The following MCF2L2 variants were observed in gnomAD, a reference collection of about 807,000 sequenced individuals.
MCF2L2 encodes the protein probable guanine nucleotide exchange factor MCF2L2.
In MCF2L2, 102 loss-of-function variants were observed where a neutral mutation model predicts 150.2. The observed-to-expected ratio is 0.68, with a 90% CI of 0.58 to 0.80. MCF2L2 has a LOEUF of 0.80. Ranked by LOEUF, MCF2L2 falls within the 30% of genes least tolerant of loss-of-function variation. The pLI is 0.00. For missense variants in MCF2L2, 1,256 were observed against 1,372.8 expected, an observed-to-expected ratio of 0.91 and a Z score of 1.34; for synonymous variants, 465 against 491.3, an observed-to-expected ratio of 0.95 and a Z score of 0.71.
At position 183,207,627 on chromosome 3, in the gene MCF2L2, C is replaced by T. The variant is rs146962470; in HGVS notation, c.2693G>A (p.Ser898Asn). ...CTTTACCTTCATGGTCTTCTTGAAG[C>T]TGTAATGAGGAGATAATCCCTGGTC... ...PGDQGLSPHY[S>N]FKKTMKLMTL... Residue 898 changes from serine (S) to asparagine (N), a missense_variant, in exon 23 of 30, where the codon AGC (serine) becomes AAC (asparagine). Ser to Asn is a conservative substitution (Grantham distance 46, BLOSUM62 1). Transcript: ENST00000328913. 320 of 1,613,908 alleles carry T rather than the reference C, an allele frequency of 2.0e-4. 1 individual carries two copies. The African/African-American group carries it at 3.9e-3, about 20-fold the overall frequency.
At chr3:183,347,949 G>A (rs985359052) in intron 3 of MCF2L2, among the ~76,000 whole-genome samples, 3 of 152,174 alleles carry the variant, frequency 2.0e-5, no homozygotes, top group African/African-American at 4.8e-5. Context: ...TTACACTGTT[G>A]GTAGGAGTGT....
chr3:183,270,519 T>C lies in MCF2L2; in HGVS notation c.1862+6353A>G. ...TAAAAGCAGCAAATACTACGTGTCC[T>C]ATGAAATGTACCAGTGGCCAGCTTA... On this transcript the variant is annotated intron_variant, in intron 15 of 29. Coordinates refer to ENST00000328913, the MANE Select transcript of MCF2L2 (RefSeq NM_015078.4). This position sits in a 1 kb window ranked among gnomAD's most constrained non-coding sequence, Gnocchi z 4.5. 6.2e-7 allele frequency: 1 copy of C among 1,614,194 alleles called. No homozygotes were observed. Among genetic ancestry groups the C allele is most frequent in the Non-Finnish European group, 8.5e-7 (1 of 1,180,022 alleles).
At chr3:183,388,165 T>C (rs111747605) in intron 2 of MCF2L2, among the ~76,000 whole-genome samples, 1 of 152,086 alleles carries the variant, frequency 6.6e-6, no homozygotes, top group African/African-American at 2.4e-5. Flanking sequence ...GGATCATAAA[T>C]GTATTAATTA....
At chr3:183,414,585 C>T (rs1715488867) in intron 1 of MCF2L2, among the ~76,000 whole-genome samples, 1 of 152,100 alleles carries the variant, frequency 6.6e-6, no homozygotes, top group South Asian at 2.1e-4. Context: ...TCACTATTTT[C>T]TTCCTTCTAC....
intron 1 of MCF2L2, among the ~76,000 whole-genome samples, chr3:183,406,281 C>A (rs929998432): frequency 6.6e-6 from 1 of 152,234 alleles, no homozygotes; most frequent in East Asian, 1.9e-4. Context: ...GTCACTCTAA[C>A]AGGTACACAA....
At chr3:183,421,795 T>A (rs908653812) in intron 1 of MCF2L2, among the ~76,000 whole-genome samples, 1 of 152,252 alleles carries the variant, frequency 6.6e-6, no homozygotes, top group Non-Finnish European at 1.5e-5. Context: ...TTTCCCCATC[T>A]CTGGGGCTTG....
intron 1 of MCF2L2, among the ~76,000 whole-genome samples, chr3:183,395,283 T>C (rs1045399803): frequency 1.2e-4 from 18 of 152,266 alleles, no homozygotes; most frequent in East Asian, 7.7e-4. Flanking sequence ...CCGAAAAAGA[T>C]TTAAGATACA....
chr3:183,203,764 A>G (rs1294200200), intron 25 of MCF2L2, among the ~76,000 whole-genome samples: 2 of 152,078 alleles, frequency 1.3e-5, no homozygotes. Flanking sequence ...ATATAAATTC[A>G]AAGAGATCAA....
chr3:183,254,742 C>T (rs988300189), intron 15 of MCF2L2: 5 of 152,274 alleles, frequency 3.3e-5, no homozygotes, highest in Admixed American at 3.3e-4. Context: ...AAGAAGAAAC[C>T]GCCAACCTGA....
chr3:183,189,243 A>G (rs1356022554), intron 27 of MCF2L2, among the ~76,000 whole-genome samples: 1 of 152,184 alleles, frequency 6.6e-6, no homozygotes, highest in African/African-American at 2.4e-5. Flanking sequence ...GGTGCCTAAG[A>G]GGAAGTGCAC....
At chr3:183,264,620 G>C (rs540740630) in intron 15 of MCF2L2, among the ~76,000 whole-genome samples, 1 of 152,318 alleles carries the variant, frequency 6.6e-6, no homozygotes, top group South Asian at 2.1e-4. Flanking sequence ...CTTGTACTTA[G>C]AAGTGTGGAC....
At chr3:183,274,661 T>C (rs962953672) in intron 15 of MCF2L2, among the ~76,000 whole-genome samples, 18 of 152,200 alleles carry the variant, frequency 1.2e-4, no homozygotes, top group African/African-American at 4.1e-4. Context: ...TAATGACCTA[T>C]ATTTGGGGAC....
chr3:183,294,376 A>T (rs895303699), intron 13 of MCF2L2, among the ~76,000 whole-genome samples: 1 of 151,806 alleles, frequency 6.6e-6, no homozygotes, highest in Non-Finnish European at 1.5e-5. Context: ...GTTGAGACAG[A>T]GTTTTGCTCT....
intron 1 of MCF2L2, among the ~76,000 whole-genome samples, chr3:183,404,541 C>A (rs921626104): frequency 2.0e-5 from 3 of 152,134 alleles, no homozygotes; most frequent in African/African-American, 7.2e-5. Context: ...ACTCTCTAAT[C>A]CAATAATATT....
intron 1 of MCF2L2, among the ~76,000 whole-genome samples, chr3:183,423,726 C>T (rs993762882): frequency 2.0e-5 from 3 of 150,898 alleles, no homozygotes; most frequent in Non-Finnish European, 4.4e-5. Flanking sequence ...GCAACCTCCG[C>T]CTCCCGGGTT....
chr3:183,196,917 C>T (rs1029180977), intron 25 of MCF2L2, among the ~76,000 whole-genome samples: 6 of 152,006 alleles, frequency 3.9e-5, no homozygotes, highest in Non-Finnish European at 8.8e-5. Flanking sequence ...AATCTCTTTC[C>T]GAATTGTCAA....
At chr3:183,399,367 C>T (rs564529444) in intron 1 of MCF2L2, among the ~76,000 whole-genome samples, 2 of 152,262 alleles carry the variant, frequency 1.3e-5, no homozygotes, top group South Asian at 4.2e-4. Context: ...AAGACATTTG[C>T]TTTAATCACC....
intron 5 of MCF2L2, among the ~76,000 whole-genome samples, chr3:183,334,324 T>C (rs1000077240): frequency 2.0e-5 from 3 of 152,134 alleles, no homozygotes; most frequent in Non-Finnish European, 2.9e-5. Flanking sequence ...TCTTAAAGTG[T>C]CTCTGCAAAG....
At chr3:183,257,175 C>T (rs540606731) in intron 15 of MCF2L2, among the ~76,000 whole-genome samples, 1 of 152,314 alleles carries the variant, frequency 6.6e-6, no homozygotes, top group South Asian at 2.1e-4. Context: ...ACATTGTCAA[C>T]AAGTTATCTC....
Sources: allele counts gnomAD v4.1 joint callset (sites outside exome capture counted in the v4.1 genomes callset), GRCh38; gene constraint gnomAD v4.1.1; non-coding constraint Gnocchi (gnomAD v3.1); transcripts MANE v1.5; gene names NCBI Gene and HGNC (gene_info 2026-07-23, HGNC 2026-07-21).